The following FBXL18 variants were observed in gnomAD, a reference collection of about 807,000 sequenced individuals.
The protein encoded by FBXL18 is F-box/LRR-repeat protein 18.
FBXL18 carries 36 observed loss-of-function variants against 46.0 expected under a neutral mutation model. The observed-to-expected ratio is 0.78, with a 90% CI of 0.60 to 1.03. FBXL18 has a LOEUF of 1.03. FBXL18 is among the 50% of genes least tolerant of loss of function. FBXL18 has a pLI of 0.00. For missense variants in FBXL18, 977 were observed against 1,004.1 expected (o/e 0.97, Z 0.36); for synonymous variants, 557 against 465.3 (o/e 1.20, Z -2.54).
chr7:5,491,531 T>A lies in FBXL18; in HGVS notation c.1782-82A>T. 6 of 1,228,198 alleles carry A rather than the reference T, an allele frequency of 4.9e-6. No individual in the cohort carries two copies. In the South Asian group the frequency reaches 8.9e-5, roughly 18 times the overall value. 76.1% of individuals were successfully genotyped at this position (1,228,198 alleles called of 1,614,324 possible). On this transcript the variant is annotated intron_variant, in intron 3 of 4. Coordinates refer to ENST00000382368, the MANE Select transcript of FBXL18 (RefSeq NM_024963.6). ...GCTGGGCGTCTGGAGGTGCTGCCAG[T>A]GGAAGCTTCCTGGCCTGGGGCCCAG... is the stretch of plus-strand genomic sequence containing the variant.
intron 1 of FBXL18, among the ~76,000 whole-genome samples, chr7:5,510,281 C>A (rs1440330825): frequency 1.7e-5 from 2 of 120,198 alleles, no homozygotes; most frequent in East Asian, 2.3e-4. Flanking sequence ...CCAGCCTGGG[C>A]GAAAGAGTAA....
chr7:5,495,721 T>C, intron 3 of FBXL18: 1 of 445,516 alleles, frequency 2.2e-6, no homozygotes, highest in Admixed American at 2.5e-5. Context: ...CCGTTTCCTC[T>C]GCACAGCTCC....
intron 4 of FBXL18, among the ~76,000 whole-genome samples, chr7:5,464,253 C>T (rs1041875402): frequency 2.6e-5 from 4 of 151,848 alleles, no homozygotes; most frequent in African/African-American, 7.2e-5. Flanking sequence ...CCGAGGCAGG[C>T]GGATCACCTG....
At chr7:5,462,521 G>A (rs551386044) in intron 4 of FBXL18, among the ~76,000 whole-genome samples, 7 of 152,270 alleles carry the variant, frequency 4.6e-5, no homozygotes, top group East Asian at 3.9e-4. Context: ...GTTGCAGGCA[G>A]TACCCAGCTC....
intron 3 of FBXL18, among the ~76,000 whole-genome samples, chr7:5,494,386 C>T (rs1226859820): frequency 6.6e-6 from 1 of 152,046 alleles, no homozygotes; most frequent in Admixed American, 6.5e-5. Flanking sequence ...GAGCTGAGAT[C>T]ACACCACTGC....
Position 5,496,661 on chromosome 7 carries a change from C to T in FBXL18, c.1781+3827G>A, listed in dbSNP as rs769432936. Among the ~76,000 whole-genome samples the T allele has an allele frequency of 1.5e-4, 23 of 152,184 alleles. No individual in the cohort carries two copies. The highest frequency in any genetic ancestry group is 7.3e-5 in the Non-Finnish European group (5 of 68,038). On this transcript the variant is annotated intron_variant, in intron 3 of 4. Transcript: ENST00000382368. This position sits in a 1 kb window ranked among gnomAD's most constrained non-coding sequence, Gnocchi z 4.8. ...CTTTGGGCGGCCCAGGCAAGAGGATCACTTGAGCCCAGGAGTTCAAGACCA... is the reference window on the plus strand; with the variant it reads ...CTTTGGGCGGCCCAGGCAAGAGGATTACTTGAGCCCAGGAGTTCAAGACCA...
intron 3 of FBXL18, among the ~76,000 whole-genome samples, chr7:5,499,525 T>C (rs886175496): frequency 6.6e-6 from 1 of 151,878 alleles, no homozygotes; most frequent in Non-Finnish European, 1.5e-5. Flanking sequence ...GGTCAGGAGT[T>C]CAAGACCAGC....
intron 4 of FBXL18, among the ~76,000 whole-genome samples, chr7:5,470,504 C>T (rs1783409847): frequency 6.6e-6 from 1 of 152,200 alleles, no homozygotes; most frequent in Non-Finnish European, 1.5e-5. Context: ...ACCCGCAGTT[C>T]TGAGCTGCCC....
intron 4 of FBXL18, among the ~76,000 whole-genome samples, chr7:5,454,909 T>G (rs1420548097): frequency 6.6e-6 from 1 of 152,188 alleles, no homozygotes; most frequent in Non-Finnish European, 1.5e-5. Flanking sequence ...AAGCCGCTGT[T>G]GTTTGGGATT....
At chr7:5,512,922 C>T (rs1784577188) in intron 1 of FBXL18, among the ~76,000 whole-genome samples, 1 of 152,120 alleles carries the variant, frequency 6.6e-6, no homozygotes, top group Non-Finnish European at 1.5e-5. Context: ...CCCTAGAACC[C>T]AGGCAAGCTC....
chr7:5,504,814 G>A (rs1484258819), intron 2 of FBXL18, among the ~76,000 whole-genome samples: 1 of 147,566 alleles, frequency 6.8e-6, no homozygotes, highest in African/African-American at 2.5e-5. Flanking sequence ...TACTCGGGAG[G>A]CTGAGGCAGG....
rs1783651431 is a variant in FBXL18, at chr7:5,481,755, A to G, written c.*20T>C. On this transcript the variant is annotated 3_prime_UTR_variant, in exon 5 of 5. Transcript: ENST00000382368. ...CAGCTTCTCGAGGTGACTGAGACCGATGGGCGGCGGCTCCGCCTCTCACCA... is the reference window on the plus strand; with the variant it reads ...CAGCTTCTCGAGGTGACTGAGACCGGTGGGCGGCGGCTCCGCCTCTCACCA... The G allele has an allele frequency of 6.2e-7, 1 of 1,612,762 alleles. No individual in the cohort carries two copies. Among genetic ancestry groups the G allele is most frequent in the East Asian group, 2.2e-5 (1 of 44,866 alleles).
intron 4 of FBXL18, among the ~76,000 whole-genome samples, chr7:5,456,612 G>A (rs1297473934): frequency 6.6e-6 from 1 of 150,948 alleles, no homozygotes; most frequent in East Asian, 1.9e-4. Context: ...CCCTGGGGCA[G>A]GCCAAGGGCA....
At chr7:5,456,749 C>T (rs1035291430) in intron 4 of FBXL18, among the ~76,000 whole-genome samples, 2 of 151,990 alleles carry the variant, frequency 1.3e-5, no homozygotes, top group East Asian at 1.9e-4. Context: ...AGACTCAGAA[C>T]AGAATGGGCC....
chr7:5,461,213 T>C (rs1233217528), intron 4 of FBXL18, among the ~76,000 whole-genome samples: 1 of 152,056 alleles, frequency 6.6e-6, no homozygotes, highest in African/African-American at 2.4e-5. Flanking sequence ...GGAGTTCACA[T>C]TTATTGAGCA....
At chr7:5,506,416 G>A (rs538387952) in intron 1 of FBXL18, among the ~76,000 whole-genome samples, 4 of 151,712 alleles carry the variant, frequency 2.6e-5, no homozygotes. Context: ...GCCCACGCCC[G>A]GCTAATTTTT....
At chr7:5,465,160 T>G (rs1783324136) in intron 4 of FBXL18, among the ~76,000 whole-genome samples, 1 of 152,188 alleles carries the variant, frequency 6.6e-6, no homozygotes, top group Non-Finnish European at 1.5e-5. Flanking sequence ...ATCAATAGAC[T>G]GTGAACTATT....
At chr7:5,510,985 T>C (rs1223439713) in intron 1 of FBXL18, among the ~76,000 whole-genome samples, 1 of 152,232 alleles carries the variant, frequency 6.6e-6, no homozygotes. Flanking sequence ...ACTCTGTGTT[T>C]TATGTACTTT....
In FBXL18 at chr7:5,477,044, C is replaced by T. The variant is rs1382535883; in HGVS notation, c.*4731G>A. ...CTGGGACCACAGGCGCCCGCCACCA[C>T]ACCCGACTACTTTTTTGTATTTTTA... On this transcript the variant is annotated 3_prime_UTR_variant, in exon 5 of 5. Coordinates refer to ENST00000382368, the MANE Select transcript of FBXL18 (RefSeq NM_024963.6). This position sits in a 1 kb window ranked among gnomAD's most constrained non-coding sequence, Gnocchi z 4.4. 1 of 152,190 alleles carries T rather than the reference C, an allele frequency of 6.6e-6. No individual in the cohort carries two copies. The highest frequency in any genetic ancestry group is 1.5e-5 in the Non-Finnish European group (1 of 68,082). 9.4% of individuals were successfully genotyped at this position (152,190 alleles called of 1,614,324 possible). A position where few individuals can be genotyped will look rare whatever the true frequency, so the allele number is the denominator to read the frequency against.
Sources: gnomAD v4.1 joint callset for allele counts (sites outside exome capture counted in the v4.1 genomes callset) on GRCh38, gnomAD v4.1.1 for gene constraint, Gnocchi (gnomAD v3.1) non-coding constraint, MANE v1.5 for transcripts, NCBI Gene and HGNC (gene_info 2026-07-23, HGNC 2026-07-21) for gene names.